Variants in GPR162 observed in about 807,000 individuals in gnomAD.
GPR162 encodes probable G protein-coupled receptor 162.
A neutral mutation model predicts 44.9 loss-of-function variants in GPR162; 26 were observed. That is an observed-to-expected ratio of 0.58 (90% confidence interval 0.42 to 0.80). GPR162 has a LOEUF of 0.80. Ranked by LOEUF, GPR162 falls within the 30% of genes least tolerant of loss-of-function variation. The pLI, the probability that GPR162 is intolerant of heterozygous loss-of-function variation, is 0.00. For synonymous variants in GPR162, 363 were observed against 335.2 expected (o/e 1.08, Z -0.91); for missense variants, 704 against 802.3 (o/e 0.88, Z 1.48).
intron 3 of GPR162, among the ~76,000 whole-genome samples, 157 bp from the exon 4 acceptor site, chr12:6,826,039 G>A (rs1943349862): frequency 6.6e-6 from 1 of 152,204 alleles, no homozygotes. Context: ...TCAGGATTTA[G>A]CACTGAACGC....
intron 1 of GPR162, 32 bp from the exon 2 acceptor site, chr12:6,823,436 T>G (rs1219336310): frequency 8.0e-6 from 3 of 373,244 alleles, no homozygotes; most frequent in African/African-American, 2.1e-5. Context: ...ACCTTTGCCC[T>G]CTCCCTCCCA....
At chr12:6,823,256 T>G (rs989468050) in intron 1 of GPR162, among the ~76,000 whole-genome samples, 1 of 152,196 alleles carries the variant, frequency 6.6e-6, no homozygotes, top group African/African-American at 2.4e-5. Flanking sequence ...GGGAATACCT[T>G]CTTCCCTAGA....
In GPR162 at chr12:6,827,169, C is replaced by G; in HGVS notation, c.1732C>G (p.Pro578Ala). 1 of 1,611,610 alleles carries G rather than the reference C, an allele frequency of 6.2e-7. No homozygotes were observed. The highest frequency in any genetic ancestry group is 1.3e-5 in the African/African-American group (1 of 74,980). ...AAGGGCTTGGGGAGGATCCTGGGGC[C>G]CAGGCAACCCCATCTTTCCCCAGCT... ...SARAWGGSWG[P>A]GNPIFPQLTL Residue 578 changes from proline (P) to alanine (A), a missense_variant, in exon 5 of 5, where the codon CCA becomes GCA. Around this residue, in one of 6 missense-constraint regions of GPR162, gnomAD observed 404 missense variants for 314.1 expected, o/e 1.29. Transcript: ENST00000311268.
Position 6,823,745 on chromosome 12 carries a change from T to C in GPR162, c.-154T>C, listed in dbSNP as rs200468818. The C allele has an allele frequency of 2.5e-6, 4 of 1,612,794 alleles. No homozygotes were observed. Among genetic ancestry groups the C allele is most frequent in the Non-Finnish European group, 3.4e-6 (4 of 1,179,282 alleles). ...CATCTGCCCTCAGCTGGGTCCATCATGCAATGCTGAGCACTGGGGTGAGCC... is the reference window on the plus strand; with the variant it reads ...CATCTGCCCTCAGCTGGGTCCATCACGCAATGCTGAGCACTGGGGTGAGCC... On this transcript the variant is annotated 5_prime_UTR_variant, in exon 2 of 5. It removes an upstream start codon present in the reference 5' UTR. Coordinates refer to ENST00000311268, the MANE Select transcript of GPR162 (RefSeq NM_019858.2).
Position 6,822,860 on chromosome 12 carries a change from CT to C in GPR162, c.-431-607del, listed in dbSNP as rs149518431. Among the ~76,000 whole-genome samples the C allele has an allele frequency of 0.017, 2,644 of 152,312 alleles. 28 individuals carry two copies. Among genetic ancestry groups the C allele is most frequent in the Middle Eastern group, 0.027 (8 of 294 alleles). ...CTCTCCTCCTTCTCCCTAGTTCCCC[CT>C]CTTTCCATTTCTGGATGCTTCTGAT... On this transcript the variant is annotated intron_variant, in intron 1 of 4. Transcript: ENST00000311268. The surrounding 1 kb of genome is among the most constrained non-coding windows in gnomAD (Gnocchi z 4.2).
chr12:6,823,818 G>C lies in GPR162; in HGVS notation c.-81G>C. The C allele has an allele frequency of 6.2e-7, 1 of 1,603,236 alleles. No individual in the cohort carries two copies. Among genetic ancestry groups the C allele is most frequent in the Non-Finnish European group, 8.5e-7 (1 of 1,173,896 alleles). On this transcript the variant is annotated 5_prime_UTR_variant, in exon 2 of 5. Coordinates refer to ENST00000311268, the MANE Select transcript of GPR162 (RefSeq NM_019858.2). The stretch of plus-strand genomic sequence containing the variant: ...AGGGCGAGGATTGTGGGGATCATGG[G>C]AGTGTTTGTGAGTGGGGCTCCTGGG...
chr12:6,826,816 A>T lies in GPR162; in HGVS notation c.1379A>T (p.His460Leu). 9 of 1,610,226 alleles carry T rather than the reference A, an allele frequency of 5.6e-6. No homozygotes were observed. Among genetic ancestry groups the T allele is most frequent in the Non-Finnish European group, 7.6e-6 (9 of 1,178,072 alleles). ...GGPPEYLGQR[H>L]RLEDEEDEEE... ...CCTCCTGAGTACCTGGGACAAAGAC[A>T]CAGGTTGGAGGACGAGGAGGACGAG... is the stretch of plus-strand genomic sequence containing the variant. Residue 460 changes from histidine (H) to leucine (L), a missense_variant, in exon 5 of 5, where the codon CAC becomes CTC. Transcript: ENST00000311268.
rs1943301573 is a variant in GPR162 at position 6,822,791 on chromosome 12, T to C, written c.-431-677T>C. Among the ~76,000 whole-genome samples, 1 of 152,130 alleles carries C rather than the reference T, an allele frequency of 6.6e-6. No individual in the cohort carries two copies. Among genetic ancestry groups the C allele is most frequent in the Non-Finnish European group, 1.5e-5 (1 of 68,004 alleles). On this transcript the variant is annotated intron_variant, in intron 1 of 4. Transcript: ENST00000311268. The surrounding 1 kb of genome is among the most constrained non-coding windows in gnomAD (Gnocchi z 4.2). The stretch of plus-strand genomic sequence containing the variant: ...AGGGGGTTTGAGCTTTTCCTGCTAT[T>C]TTCAGATACTACCACTTTGCCCCCT...
At position 6,822,541 on chromosome 12, in the gene GPR162, C is replaced by T. The variant is rs781935875; in HGVS notation, c.-432+641C>T. The stretch of plus-strand genomic sequence containing the variant: ...AGGGTTTCACCCGATTCCCTTACCC[C>T]CCTTCCCAGGGCTCACTGAAGCTCA... On this transcript the variant is annotated intron_variant, in intron 1 of 4. Transcript: ENST00000311268. The surrounding 1 kb of genome is among the most constrained non-coding windows in gnomAD (Gnocchi z 4.2). Among the ~76,000 whole-genome samples, 2 of 152,206 alleles carry T rather than the reference C, an allele frequency of 1.3e-5. No homozygotes were observed. Among genetic ancestry groups the T allele is most frequent in the East Asian group, 1.9e-4 (1 of 5,196 alleles).
At position 6,825,524 on chromosome 12, in the gene GPR162, C is replaced by A; in HGVS notation, c.908C>A (p.Pro303His). ...TCCCTCAAGTCGGACTCGGCGCCCC[C>A]CTGGATGGTGCTGGCTGTGCTGTGG... ...FFSLKSDSAP[P>H]WMVLAVLWCS... Residue 303 changes from proline to histidine, a missense_variant, in exon 3 of 5, where the codon CCC (proline) becomes CAC (histidine). Coordinates refer to ENST00000311268, the MANE Select transcript of GPR162 (RefSeq NM_019858.2). The A allele has an allele frequency of 6.2e-7, 1 of 1,612,146 alleles. No individual in the cohort carries two copies. The highest frequency in any genetic ancestry group is 1.1e-5 in the South Asian group (1 of 90,710).
chr12:6,824,527 C>T lies in GPR162; in HGVS notation c.629C>T (p.Pro210Leu). ...TTCTACCAGACACTGTGGGCCCGGCCCCGGAGGGCTCGGCAGGCCCGGAGA... is the reference window on the plus strand; with the variant it reads ...TTCTACCAGACACTGTGGGCCCGGCTCCGGAGGGCTCGGCAGGCCCGGAGA... The part of the protein sequence containing the change: ...ITFYQTLWAR[P>L]RRARQARRVG... The change falls in exon 2 of 5, where the codon CCC (proline) becomes CTC (leucine). Residue 210 changes from proline (P) to leucine (L), a missense_variant. Coordinates refer to ENST00000311268, the MANE Select transcript of GPR162 (RefSeq NM_019858.2). 1 of 1,610,802 alleles carries T rather than the reference C, an allele frequency of 6.2e-7. No individual in the cohort carries two copies. Among genetic ancestry groups the T allele is most frequent in the Middle Eastern group, 1.7e-4 (1 of 6,048 alleles).
At position 6,826,790 on chromosome 12, in the gene GPR162, T is replaced by C. The variant is rs35717080; in HGVS notation, c.1353T>C (p.Gly451=). The C allele has an allele frequency of 0.098, 157,330 of 1,601,496 alleles. 8,860 individuals are homozygous for C. Among genetic ancestry groups the C allele is most frequent in the Middle Eastern group, 0.16 (975 of 6,012 alleles). ...VLPAQSRALG[G]PPEYLGQRHR... ...CAGCCCAGAGCCGGGCCCTCGGGGG[T>C]CCTCCTGAGTACCTGGGACAAAGAC... is the stretch of plus-strand genomic sequence containing the variant. Residue 451 remains glycine (G), a synonymous_variant, in exon 5 of 5, where the codon GGT becomes GGC. Coordinates refer to ENST00000311268, the MANE Select transcript of GPR162 (RefSeq NM_019858.2).
Position 6,823,882 on chromosome 12 carries a change from G to C in GPR162, c.-17G>C. 1.3e-6 allele frequency: 2 copies of C among 1,572,126 alleles called. No individual in the cohort carries two copies. The highest frequency in any genetic ancestry group is 2.3e-5 in the East Asian group (1 of 44,228). ...CCACCCCCACAGAGCTCAAGGGGGT[G>C]GGGGGCTGAGGATAGGATGGCTCGG... On this transcript the variant is annotated 5_prime_UTR_variant, in exon 2 of 5. Coordinates refer to ENST00000311268, the MANE Select transcript of GPR162 (RefSeq NM_019858.2).
chr12:6,826,630 G>T, intron 4 of GPR162, 23 bp from the exon 5 acceptor site: 1 of 1,515,420 alleles, frequency 6.6e-7, no homozygotes. Flanking sequence ...GCACCTTCAG[G>T]TCTTACCCGC....
intron 2 of GPR162, chr12:6,825,086 A>G: frequency 1.7e-6 from 1 of 573,480 alleles, no homozygotes; most frequent in Non-Finnish European, 3.2e-6. Flanking sequence ...TCAGCCGCAG[A>G]CCTCTCATCC....
In GPR162 at chr12:6,827,203, G is replaced by C. The variant is rs782620192; in HGVS notation, c.1766G>C (p.Ter589SerextTer13). The C allele has an allele frequency of 7.5e-6, 12 of 1,601,472 alleles. No homozygotes were observed. In the South Asian group the frequency reaches 1.3e-4, roughly 18 times the overall value. Residue 589 changes from the stop codon to serine, a stop_lost, in exon 5 of 5, where the codon TGA (stop) becomes TCA (serine). Coordinates refer to ENST00000311268, the MANE Select transcript of GPR162 (RefSeq NM_019858.2). ...CCCATCTTTCCCCAGCTGACCCTGT[G>C]AGCCCAAGCAGGCCTGCTGAACTCA... ...GNPIFPQLTL[*>S]
rs1555120458 is a variant in GPR162 at position 6,827,140 on chromosome 12, G to C, written c.1703G>C (p.Ser568Thr). Residue 568 changes from serine to threonine, a missense_variant, in exon 5 of 5, where the codon AGT (serine) becomes ACT (threonine). Ser to Thr is a moderately conservative substitution (Grantham distance 58, BLOSUM62 1). Around this residue, in one of 6 missense-constraint regions of GPR162, gnomAD observed 404 missense variants for 314.1 expected, o/e 1.29. Coordinates refer to ENST00000311268, the MANE Select transcript of GPR162 (RefSeq NM_019858.2). ...RRCSLTGGEE[S>T]ARAWGGSWGP... is the part of the protein sequence containing the mutation. ...TGCTCCCTGACGGGGGGTGAAGAAA[G>C]TGCAAGGGCTTGGGGAGGATCCTGG... The C allele has an allele frequency of 1.2e-6, 2 of 1,613,296 alleles. No homozygotes were observed. Among genetic ancestry groups the C allele is most frequent in the South Asian group, 1.1e-5 (1 of 91,090 alleles).
intron 3 of GPR162, 117 bp downstream of exon 3, chr12:6,825,790 C>T: frequency 1.2e-6 from 1 of 865,380 alleles, no homozygotes; most frequent in South Asian, 1.6e-5. Context: ...ACAGAATCTG[C>T]ACCACCCTGG....
chr12:6,823,767 A>C lies in GPR162; in HGVS notation c.-132A>C, dbSNP rs782167225. On this transcript the variant is annotated 5_prime_UTR_variant, in exon 2 of 5. Coordinates refer to ENST00000311268, the MANE Select transcript of GPR162 (RefSeq NM_019858.2). ...TCATGCAATGCTGAGCACTGGGGTGAGCCTGGGGGCAGCCTGCCTGCTGAC... is the reference window on the plus strand; with the variant it reads ...TCATGCAATGCTGAGCACTGGGGTGCGCCTGGGGGCAGCCTGCCTGCTGAC... 2 of 1,613,188 alleles carry C rather than the reference A, an allele frequency of 1.2e-6. No individual in the cohort carries two copies. Among genetic ancestry groups the C allele is most frequent in the East Asian group, 2.2e-5 (1 of 44,870 alleles).
Sources: allele counts gnomAD v4.1 joint callset (sites outside exome capture counted in the v4.1 genomes callset), GRCh38; gene constraint gnomAD v4.1.1; regional missense constraint gnomAD v4.1.1; non-coding constraint Gnocchi (gnomAD v3.1); transcripts MANE v1.5; gene names NCBI Gene and HGNC (gene_info 2026-07-23, HGNC 2026-07-21).